Variants in IGF2R observed in about 807,000 individuals in gnomAD.
The protein encoded by IGF2R is insulin like growth factor 2 receptor, also known as cation-independent mannose-6-phosphate receptor.
In IGF2R, 91 loss-of-function variants were observed where a neutral mutation model predicts 270.6. The observed-to-expected ratio is 0.34, with a 90% CI of 0.28 to 0.40. The LOEUF (loss-of-function observed/expected upper bound fraction) is 0.40, where lower values mean the gene tolerates loss of function less well. Ranked by LOEUF, IGF2R falls within the 10% of genes least tolerant of loss-of-function variation. The probability of loss-of-function intolerance (pLI) is 1.00; values close to 1 mark genes in which losing one functional copy is unlikely to be tolerated. For synonymous variants in IGF2R, 1,316 were observed against 1,258.9 expected, an observed-to-expected ratio of 1.05 and a Z score of -0.96; for missense variants, 2,805 against 3,188.3, an observed-to-expected ratio of 0.88 and a Z score of 2.90.
chr6:160,073,574 G>A, intron 34 of IGF2R, 105 bp downstream of exon 34: 1 of 1,338,978 alleles, frequency 7.5e-7, no homozygotes, highest in Non-Finnish European at 1.0e-6. Flanking sequence ...CAGCTGAACT[G>A]TCCACTCCTG....
Position 160,084,134 on chromosome 6 carries a change from G to A in IGF2R, c.6018G>A (p.Arg2006=). The A allele has an allele frequency of 6.2e-7, 1 of 1,614,156 alleles. No individual in the cohort carries two copies. The highest frequency in any genetic ancestry group is 1.1e-5 in the South Asian group (1 of 91,076). The change falls in exon 40 of 48, where the codon CGG becomes CGA. Residue 2006 remains arginine, a synonymous_variant. Coordinates refer to ENST00000356956, the MANE Select transcript of IGF2R (RefSeq NM_000876.4). This position sits in a 1 kb window ranked among gnomAD's most constrained non-coding sequence, Gnocchi z 4.6. ...FVQKHKTYDL[R]LLSSLTGSWS... Reference sequence around the variant, plus strand: ...AGAAACACAAAACCTACGACCTGCGGCTGCTCTCCTCTCTCACCGGGTCCT... The same window carrying A: ...AGAAACACAAAACCTACGACCTGCGACTGCTCTCCTCTCTCACCGGGTCCT...
At chr6:160,078,143 A>G in intron 36 of IGF2R, 58 bp from the exon 37 acceptor site, 3 of 1,561,932 alleles carry the variant, frequency 1.9e-6, no homozygotes, top group Non-Finnish European at 2.6e-6. Context: ...GTGGTGTGTC[A>G]CTGCTATCTA....
chr6:160,109,625 A>G lies in IGF2R; in HGVS notation c.*4541A>G, dbSNP rs1052008944. 6.6e-6 allele frequency: 1 copy of G among 152,154 alleles called. No individual in the cohort carries two copies. The highest frequency in any genetic ancestry group is 6.5e-5 in the Admixed American group (1 of 15,286). 9.4% of individuals were successfully genotyped at this position (152,154 alleles called of 1,614,324 possible). A position where few individuals can be genotyped will look rare whatever the true frequency, so the allele number is the denominator to read the frequency against. ...TGTTTCGGTGTTGACAGCTGTCACA[A>G]TGATGCCCTTTTCAGTAGAGGAGCC... On this transcript the variant is annotated 3_prime_UTR_variant, in exon 48 of 48. Coordinates refer to ENST00000356956, the MANE Select transcript of IGF2R (RefSeq NM_000876.4).
chr6:160,000,735 T>TTTTTTTTGTTTG (rs1562337938), intron 2 of IGF2R, among the ~76,000 whole-genome samples: 2 of 138,534 alleles, frequency 1.4e-5, no homozygotes, highest in African/African-American at 5.7e-5. Flanking sequence ...GTTGTTTTTT[T>TTTTTTTTGTTTG]TTTTTTTTTT....
rs372567901 is a variant in IGF2R at position 160,063,668 on chromosome 6, A to T, written c.3886+38A>T. ...GTCGTTTTCCTTTTGTTGCAAAGGA[A>T]TGGAATTAAAATATTAAAATATTTT... On this transcript the variant is annotated intron_variant, in intron 27 of 47. Coordinates refer to ENST00000356956, the MANE Select transcript of IGF2R (RefSeq NM_000876.4). 6 of 1,492,832 alleles carry T rather than the reference A, an allele frequency of 4.0e-6. No homozygotes were observed. In the African/African-American group the frequency reaches 6.9e-5, roughly 17 times the overall value. The allele number at this position is 1,492,832 out of a possible 1,614,324, so 92.5% of individuals were successfully genotyped here.
chr6:160,094,099 C>T (rs1425100822), intron 44 of IGF2R: 1 of 489,958 alleles, frequency 2.0e-6, no homozygotes, highest in African/African-American at 2.0e-5. Context: ...TTCCCCTTCT[C>T]CCAAAGTACT....
intron 38 of IGF2R, 110 bp from the exon 39 acceptor site, chr6:160,080,019 C>T (rs1439829554): frequency 8.3e-6 from 11 of 1,326,044 alleles, no homozygotes; most frequent in Admixed American, 3.9e-5. Context: ...CCGGTTGTCA[C>T]GTAGGTGCTT....
chr6:160,067,862 C>A (rs1350475503), intron 29 of IGF2R, among the ~76,000 whole-genome samples: 1 of 152,218 alleles, frequency 6.6e-6, no homozygotes, highest in Non-Finnish European at 1.5e-5. Flanking sequence ...CCGGGCATGG[C>A]CCCTGCTGTG....
intron 14 of IGF2R, 109 bp from the exon 15 acceptor site, chr6:160,046,389 G>A (rs766003168): frequency 3.1e-5 from 34 of 1,080,598 alleles, no homozygotes; most frequent in Non-Finnish European, 3.5e-5. Flanking sequence ...TCTTCCTGCC[G>A]TTGGGAACCT....
chr6:159,986,077 G>T (rs1220312555), intron 1 of IGF2R, among the ~76,000 whole-genome samples: 1 of 152,066 alleles, frequency 6.6e-6, no homozygotes, highest in South Asian at 2.1e-4. Flanking sequence ...AGCCGCTTCT[G>T]TGGGGGCCTT....
At position 160,085,906 on chromosome 6, in the gene IGF2R, C is replaced by T. The variant is rs552067448; in HGVS notation, c.6205+775C>T. On this transcript the variant is annotated intron_variant, in intron 41 of 47. Coordinates refer to ENST00000356956, the MANE Select transcript of IGF2R (RefSeq NM_000876.4). ...GCGCCCAGACCGCCAGCCTGAGACC[C>T]GCCCTCCCTGGGAGGTTCTTACTGC... 3.9e-5 allele frequency among the ~76,000 whole-genome samples: 6 copies of T among 152,334 alleles called. No homozygotes were observed. The South Asian group carries it at 1.0e-3, about 26-fold the overall frequency.
At chr6:160,001,166 T>A (rs1460084528) in intron 2 of IGF2R, among the ~76,000 whole-genome samples, 1 of 152,098 alleles carries the variant, frequency 6.6e-6, no homozygotes, top group Non-Finnish European at 1.5e-5. Flanking sequence ...GAGTGAAGCT[T>A]CGTCTGTATT....
chr6:160,101,826 G>A (rs1779491107), intron 45 of IGF2R, among the ~76,000 whole-genome samples: 1 of 152,230 alleles, frequency 6.6e-6, no homozygotes, highest in East Asian at 1.9e-4. Flanking sequence ...TTGAGTGTTC[G>A]ATGTCATGGA....
intron 4 of IGF2R, among the ~76,000 whole-genome samples, chr6:160,013,282 T>C (rs1007216309): frequency 2.0e-5 from 3 of 152,084 alleles, no homozygotes; most frequent in African/African-American, 7.2e-5. Context: ...CTGGCCTGTT[T>C]TTGTACAACC....
chr6:160,097,634 C>T (rs1297280047), intron 45 of IGF2R, among the ~76,000 whole-genome samples: 2 of 152,128 alleles, frequency 1.3e-5, no homozygotes, highest in African/African-American at 2.4e-5. Context: ...CCGGCCTGGC[C>T]CACCATTTTA....
chr6:160,067,089 A>G (rs1433633164), intron 29 of IGF2R, among the ~76,000 whole-genome samples: 1 of 152,192 alleles, frequency 6.6e-6, no homozygotes, highest in Non-Finnish European at 1.5e-5. Flanking sequence ...ATTGGGACCT[A>G]CAGGCTGAAG....
chr6:160,104,524 C>T, intron 47 of IGF2R, 150 bp from the exon 48 acceptor site: 1 of 764,240 alleles, frequency 1.3e-6, no homozygotes, highest in Non-Finnish European at 2.2e-6. Flanking sequence ...CTTCCTTTCC[C>T]TGGGAACTGG....
Position 160,073,968 on chromosome 6 carries a change from C to T in IGF2R, c.5159C>T (p.Pro1720Leu). The change falls in exon 35 of 48, where the codon CCC becomes CTC. Residue 1720 changes from proline (P) to leucine (L), a missense_variant. Coordinates refer to ENST00000356956, the MANE Select transcript of IGF2R (RefSeq NM_000876.4). ...GTGTGCAAAGTTCCTATTGATGGTCCCCCCATAGTAAGTATGACAAATCCA... is the reference window on the plus strand; with the variant it reads ...GTGTGCAAAGTTCCTATTGATGGTCTCCCCATAGTAAGTATGACAAATCCA... ...AAVCKVPIDG[P>L]PIDIGRVAGP... is the part of the protein sequence containing the mutation. 1 of 1,609,508 alleles carries T rather than the reference C, an allele frequency of 6.2e-7. No homozygotes were observed. Among genetic ancestry groups the T allele is most frequent in the South Asian group, 1.1e-5 (1 of 90,480 alleles).
chr6:160,056,028 C>A (rs866102991), intron 19 of IGF2R, among the ~76,000 whole-genome samples: 1 of 152,194 alleles, frequency 6.6e-6, no homozygotes, highest in African/African-American at 2.4e-5. Flanking sequence ...TGACCTCTGA[C>A]AGCGCAGGCC....
Sources: allele counts gnomAD v4.1 joint callset (sites outside exome capture counted in the v4.1 genomes callset), GRCh38; gene constraint gnomAD v4.1.1; non-coding constraint Gnocchi (gnomAD v3.1); transcripts MANE v1.5; gene names NCBI Gene and HGNC (gene_info 2026-07-23, HGNC 2026-07-21).